The following PHACTR3 variants were observed in gnomAD, a reference collection of about 807,000 sequenced individuals.
PHACTR3 encodes protein phosphatase 1, regulatory subunit 123.
PHACTR3 carries 16 observed loss-of-function variants against 66.8 expected under a neutral mutation model. The observed-to-expected ratio is 0.24, with a 90% CI of 0.16 to 0.36. PHACTR3 has a LOEUF of 0.36. Among genes scored for constraint, PHACTR3 ranks in the 10% least tolerant of loss-of-function variants. PHACTR3 has a pLI of 1.00. For synonymous variants in PHACTR3, 323 were observed against 292.1 expected (o/e 1.11, Z -1.08); for missense variants, 647 against 719.9 (o/e 0.90, Z 1.16).
At chr20:59,832,878 AGCCTAGTCTGAAC>A (rs2042425720) in intron 8 of PHACTR3, among the ~76,000 whole-genome samples, 1 of 152,158 alleles carries the variant, frequency 6.6e-6, no homozygotes, top group Non-Finnish European at 1.5e-5. Context: ...TGCAGATTAG[AGCCTAGTCTGAAC>A]GGTGGCCTGG....
chr20:59,718,987 C>T (rs1487492422), intron 1 of PHACTR3, among the ~76,000 whole-genome samples: 1 of 152,236 alleles, frequency 6.6e-6, no homozygotes, highest in Non-Finnish European at 1.5e-5. Flanking sequence ...AAGAATCCAT[C>T]AGATCTTATG....
chr20:59,804,553 C>T (rs1464559403), intron 7 of PHACTR3, among the ~76,000 whole-genome samples: 1 of 152,194 alleles, frequency 6.6e-6, no homozygotes, highest in African/African-American at 2.4e-5. Context: ...ATGTCACCGT[C>T]GCATTCAGTC....
chr20:59,743,318 C>T (rs747221097), intron 2 of PHACTR3, 50 bp downstream of exon 2: 3 of 1,603,430 alleles, frequency 1.9e-6, no homozygotes, highest in Non-Finnish European at 2.6e-6. Flanking sequence ...GACCAGCGTC[C>T]TTGGCATGGT....
intron 1 of PHACTR3, among the ~76,000 whole-genome samples, chr20:59,615,323 G>A (rs549034524): frequency 6.6e-6 from 1 of 152,292 alleles, no homozygotes; most frequent in African/African-American, 2.4e-5. Flanking sequence ...TCTTGGTCTT[G>A]TGGCCCGGCC....
intron 1 of PHACTR3, among the ~76,000 whole-genome samples, chr20:59,606,311 C>CA (rs1568929428): frequency 6.6e-6 from 1 of 151,340 alleles, no homozygotes; most frequent in South Asian, 2.1e-4. Flanking sequence ...CCTCCCCCCC[C>CA]CATTTGAAAA....
intron 1 of PHACTR3, among the ~76,000 whole-genome samples, chr20:59,704,698 T>G (rs1447422665): frequency 6.6e-6 from 1 of 151,790 alleles, no homozygotes; most frequent in Non-Finnish European, 1.5e-5. Flanking sequence ...TCATGTTAAC[T>G]GTTTTGATAA....
In PHACTR3 at chr20:59,594,614, A is replaced by G. The variant is rs762791887; in HGVS notation, c.109+16997A>G. ...TTCTGTCATTATCCTTTTAATGTTC[A>G]TGGGATCTGCAATGTGTGTTCCCTC... On this transcript the variant is annotated intron_variant, in intron 1 of 12. Coordinates refer to the PHACTR3 transcript ENST00000359926. 3.3e-5 allele frequency among the ~76,000 whole-genome samples: 5 copies of G among 152,156 alleles called. No individual in the cohort carries two copies. In the South Asian group the frequency reaches 6.2e-4, roughly 19 times the overall value.
chr20:59,680,977 T>G (rs929384351), intron 1 of PHACTR3, among the ~76,000 whole-genome samples: 2 of 152,216 alleles, frequency 1.3e-5, no homozygotes, highest in Non-Finnish European at 2.9e-5. Flanking sequence ...ATGTCAGGTG[T>G]GTTTACCCTG....
At chr20:59,822,026 A>C (rs1178737515) in intron 8 of PHACTR3, among the ~76,000 whole-genome samples, 1 of 19,704 alleles carries the variant, frequency 5.1e-5, no homozygotes, top group Non-Finnish European at 1.1e-4. Context: ...CAGCGATCCC[A>C]CCCCTTCCCC....
intron 1 of PHACTR3, among the ~76,000 whole-genome samples, chr20:59,626,257 T>C (rs994912489): frequency 2.6e-5 from 4 of 152,224 alleles, no homozygotes; most frequent in African/African-American, 9.6e-5. Context: ...GTCTCTGCCT[T>C]CATGGAATGA....
rs560060206 is a variant in PHACTR3, at chr20:59,808,803, G to T, written c.1328+2609G>T. ...TGGGCTGCAGGCCACACTTTGAGAA[G>T]CGAGGGTCTACAGCAGGGTCCCCAG... On this transcript the variant is annotated intron_variant, in intron 8 of 12. Coordinates refer to ENST00000371015, the MANE Select transcript of PHACTR3 (RefSeq NM_080672.5). 2.0e-5 allele frequency among the ~76,000 whole-genome samples: 3 copies of T among 152,332 alleles called. No homozygotes were observed. The South Asian group carries it at 6.2e-4, about 32-fold the overall frequency.
chr20:59,639,538 G>T (rs1383832921), intron 1 of PHACTR3, among the ~76,000 whole-genome samples: 1 of 152,152 alleles, frequency 6.6e-6, no homozygotes, highest in Non-Finnish European at 1.5e-5. Flanking sequence ...TTCTGGGCTG[G>T]CCGATTGAAA....
Position 59,847,553 on chromosome 20 carries a change from A to AG in PHACTR3, c.*423_*424insG. ...AAAAGACATTTTTATCCTGATCATA[A>AG]TTAATTTGAAAACTCTTTAAGTTCA... On this transcript the variant is annotated 3_prime_UTR_variant, in exon 13 of 13. Coordinates refer to ENST00000371015, the MANE Select transcript of PHACTR3 (RefSeq NM_080672.5). The AG allele has an allele frequency of 6.3e-6, 1 of 158,448 alleles. No homozygotes were observed. Among genetic ancestry groups the AG allele is most frequent in the African/African-American group, 2.4e-5 (1 of 41,880 alleles). The allele number at this position is 158,448 out of a possible 1,614,324, so 9.8% of individuals were successfully genotyped here.
intron 1 of PHACTR3, chr20:59,628,909 G>A: frequency 1.4e-6 from 1 of 707,662 alleles, no homozygotes; most frequent in Non-Finnish European, 1.7e-6. Context: ...GGGTTGCAGA[G>A]CTTCCCTCAA....
At chr20:59,667,851 A>G (rs1423072880) in intron 1 of PHACTR3, among the ~76,000 whole-genome samples, 4 of 152,238 alleles carry the variant, frequency 2.6e-5, no homozygotes. Context: ...ATGGCCATTC[A>G]GGCACTGCTC....
intron 1 of PHACTR3, among the ~76,000 whole-genome samples, chr20:59,711,396 G>A (rs1357970457): frequency 6.6e-6 from 1 of 152,106 alleles, no homozygotes; most frequent in East Asian, 1.9e-4. Context: ...ACTCCCATAT[G>A]TACTGTAAGC....
At chr20:59,676,504 T>A (rs1236134707) in intron 1 of PHACTR3, among the ~76,000 whole-genome samples, 2 of 137,232 alleles carry the variant, frequency 1.5e-5, no homozygotes, top group African/African-American at 5.5e-5. Flanking sequence ...TATTTAAAAA[T>A]GTTGACAGAT....
chr20:59,792,162 G>A (rs576765725), intron 7 of PHACTR3, among the ~76,000 whole-genome samples: 72 of 152,288 alleles, frequency 4.7e-4, no homozygotes, highest in African/African-American at 1.6e-3. Context: ...TTGGAGTGGG[G>A]CTATCAGGAA....
chr20:59,762,837 C>T (rs920746155), intron 4 of PHACTR3, among the ~76,000 whole-genome samples: 5 of 152,140 alleles, frequency 3.3e-5, no homozygotes, highest in African/African-American at 7.2e-5. Context: ...CTGGGAAACA[C>T]GTGGGTATTT....
Sources: allele counts gnomAD v4.1 joint callset (sites outside exome capture counted in the v4.1 genomes callset), GRCh38; gene constraint gnomAD v4.1.1; transcripts MANE v1.5; gene names NCBI Gene and HGNC (gene_info 2026-07-23, HGNC 2026-07-21).